GLDC: variants seen among roughly 807,000 people sequenced by gnomAD.
GLDC encodes glycine decarboxylase, also known as glycine dehydrogenase (decarboxylating), mitochondrial.
GLDC carries 104 observed loss-of-function variants against 121.3 expected under a neutral mutation model. The observed-to-expected ratio is 0.86, with a 90% CI of 0.73 to 1.01. The LOEUF is 1.01. Ranked by LOEUF, GLDC falls within the 50% of genes least tolerant of loss-of-function variation. The pLI is 0.00. For synonymous variants in GLDC, 546 were observed against 480.6 expected, an observed-to-expected ratio of 1.14 and a Z score of -1.78; for missense variants, 1,429 against 1,306.6, an observed-to-expected ratio of 1.09 and a Z score of -1.44.
At chr9:6,635,207 C>T (rs576636259) in intron 2 of GLDC, among the ~76,000 whole-genome samples, 1 of 152,284 alleles carries the variant, frequency 6.6e-6, no homozygotes, top group African/African-American at 2.4e-5. Context: ...CTTTTACCTC[C>T]TGACTTTTGT....
At position 6,645,230 on chromosome 9, in the gene GLDC, G is replaced by C. The variant is rs766384101; in HGVS notation, c.255+15C>G. 1 of 1,578,686 alleles carries C rather than the reference G, an allele frequency of 6.3e-7. No individual in the cohort carries two copies. The highest frequency in any genetic ancestry group is 8.6e-7 in the Non-Finnish European group (1 of 1,162,428). On this transcript the variant is annotated intron_variant, in intron 1 of 24. Coordinates refer to ENST00000321612, the MANE Select transcript of GLDC (RefSeq NM_000170.3). Reference sequence around the variant, plus strand: ...GCGGAGGGGAGGCCGCGGAGGGCCGGGTGGAGGTCCTTACCGCCAGCCCCA... The same window carrying C: ...GCGGAGGGGAGGCCGCGGAGGGCCGCGTGGAGGTCCTTACCGCCAGCCCCA...
chr9:6,534,682 G>A (rs971314430), intron 24 of GLDC, 26 bp downstream of exon 24: 2 of 1,294,956 alleles, frequency 1.5e-6, no homozygotes, highest in African/African-American at 1.5e-5. Context: ...CTTCCCAGCT[G>A]GCACATTCAG....
At chr9:6,626,456 T>G (rs1819239996) in intron 2 of GLDC, among the ~76,000 whole-genome samples, 1 of 152,232 alleles carries the variant, frequency 6.6e-6, no homozygotes, top group African/African-American at 2.4e-5. Context: ...GTAGTTTATT[T>G]TTTCACTTGA....
intron 2 of GLDC, among the ~76,000 whole-genome samples, chr9:6,620,696 C>T (rs1819074485): frequency 6.6e-6 from 1 of 152,156 alleles, no homozygotes; most frequent in South Asian, 2.1e-4. Context: ...CTGTGTTTTA[C>T]CTTCTAAACT....
chr9:6,567,148 A>G (rs1817870407), intron 15 of GLDC: 1 of 151,908 alleles, frequency 6.6e-6, no homozygotes, highest in East Asian at 1.9e-4. Context: ...AAAAAAAAAG[A>G]AAGAAAAGAA....
intron 5 of GLDC, 68 bp from the exon 6 acceptor site, chr9:6,605,346 T>A (rs1051099978): frequency 2.6e-6 from 4 of 1,528,760 alleles, no homozygotes; most frequent in Non-Finnish European, 3.6e-6. Context: ...TAACGTTTCT[T>A]TTCCAGTAAG....
At chr9:6,608,869 T>C (rs1457177103) in intron 4 of GLDC, among the ~76,000 whole-genome samples, 1 of 151,848 alleles carries the variant, frequency 6.6e-6, no homozygotes, top group African/African-American at 2.4e-5. Context: ...GAGAGGTGGG[T>C]GGATGGCACT....
In GLDC at chr9:6,589,972, G is replaced by A. The variant is rs535202616; in HGVS notation, c.1483-680C>T. Among the ~76,000 whole-genome samples the A allele has an allele frequency of 2.3e-3, 353 of 151,874 alleles. 2 individuals carry two copies. Among genetic ancestry groups the A allele is most frequent in the African/African-American group, 7.9e-3 (326 of 41,412 alleles). On this transcript the variant is annotated intron_variant, in intron 11 of 24. Transcript: ENST00000321612. ...CGGGAGGCTGAGGCAGGAGAATGGC[G>A]TGAACCTGGGAGGTGGAGTTTGCAG...
intron 20 of GLDC, among the ~76,000 whole-genome samples, chr9:6,552,932 C>CCA (rs549018691): frequency 8.1e-4 from 123 of 151,874 alleles, no homozygotes; most frequent in Non-Finnish European, 1.5e-3. Flanking sequence ...TCCTCTGGCC[C>CCA]CCCCCAAGAA....
At chr9:6,608,500 G>A (rs967373461) in intron 4 of GLDC, among the ~76,000 whole-genome samples, 9 of 150,488 alleles carry the variant, frequency 6.0e-5, no homozygotes, top group African/African-American at 2.2e-4. Flanking sequence ...CAGCAATTTG[G>A]GAGGCCGAGG....
intron 9 of GLDC, 150 bp downstream of exon 9, chr9:6,594,864 C>G: frequency 1.5e-6 from 1 of 653,316 alleles, no homozygotes. Context: ...AGCAAAACAA[C>G]AAAATAATCA....
At chr9:6,539,131 C>G (rs1283454275) in intron 22 of GLDC, among the ~76,000 whole-genome samples, 2 of 152,050 alleles carry the variant, frequency 1.3e-5, no homozygotes, top group Non-Finnish European at 2.9e-5. Context: ...CCCAACTTAG[C>G]CTTTCTGAGA....
rs34438524 is a variant in GLDC at position 6,593,268 on chromosome 9, G to GATATATATATATATATATATATATAT, written c.1262-279_1262-278insATATATATATATATATATATATATAT. On this transcript the variant is annotated intron_variant, in intron 9 of 24. Transcript: ENST00000321612. ...AGAAATGGGGGAGCAGGTAGTATCA[G>GATATATATATATATATATATATATAT]ATATATATATATATATATAAAATTA... 2.2e-3 allele frequency among the ~76,000 whole-genome samples: 310 copies of GATATATATATATATATATATATATAT among 143,734 alleles called. 1 individual carries two copies. Among genetic ancestry groups the GATATATATATATATATATATATATAT allele is most frequent in the African/African-American group, 7.8e-3 (301 of 38,684 alleles). The allele number at this position is 143,734 out of a possible 152,430, so 94.3% of individuals were successfully genotyped here.
chr9:6,585,139 A>C (rs1185611946), intron 15 of GLDC: 1 of 152,210 alleles, frequency 6.6e-6, no homozygotes, highest in African/African-American at 2.4e-5. Context: ...TCACCATGGG[A>C]TCTAATTCCT....
intron 13 of GLDC, 44 bp downstream of exon 13, chr9:6,588,574 A>C: frequency 6.7e-7 from 1 of 1,503,222 alleles, no homozygotes; most frequent in South Asian, 1.1e-5. Flanking sequence ...GAGACGTGGG[A>C]TTGGGGTAGC....
At chr9:6,580,807 G>C (rs1256075563) in intron 15 of GLDC, among the ~76,000 whole-genome samples, 2 of 152,098 alleles carry the variant, frequency 1.3e-5, no homozygotes, top group African/African-American at 2.4e-5. Context: ...GACCCACTCA[G>C]GCTGCCATCT....
At chr9:6,640,320 G>C (rs909823747) in intron 2 of GLDC, among the ~76,000 whole-genome samples, 11 of 152,248 alleles carry the variant, frequency 7.2e-5, no homozygotes, top group African/African-American at 2.4e-4. Flanking sequence ...GGAAAGCCTT[G>C]TCACAGACTG....
intron 21 of GLDC, among the ~76,000 whole-genome samples, chr9:6,547,058 A>G (rs1024899810): frequency 1.3e-5 from 2 of 152,276 alleles, no homozygotes; most frequent in East Asian, 1.9e-4. Flanking sequence ...TAGGTACTAT[A>G]TATTAAATGT....
At chr9:6,631,079 G>A (rs986273356) in intron 2 of GLDC, among the ~76,000 whole-genome samples, 2 of 152,224 alleles carry the variant, frequency 1.3e-5, no homozygotes, top group Admixed American at 6.5e-5. Flanking sequence ...GACCAGCAGA[G>A]CTGTGCCACG....
Sources: allele counts gnomAD v4.1 joint callset (sites outside exome capture counted in the v4.1 genomes callset), GRCh38; gene constraint gnomAD v4.1.1; transcripts MANE v1.5; gene names NCBI Gene and HGNC (gene_info 2026-07-23, HGNC 2026-07-21).